Variants in SLC4A10 observed in about 807,000 individuals in gnomAD.
SLC4A10 encodes solute carrier family 4 member 10, also known as sodium-driven chloride bicarbonate exchanger.
In SLC4A10, 42 loss-of-function variants were observed where a neutral mutation model predicts 137.7. The observed-to-expected ratio is 0.30, with a 90% CI of 0.24 to 0.39. The LOEUF is 0.39. Among genes scored for constraint, SLC4A10 ranks in the 10% least tolerant of loss-of-function variants. The pLI, the probability that SLC4A10 is intolerant of heterozygous loss-of-function variation, is 1.00. For missense variants in SLC4A10, 925 were observed against 1,355.0 expected, an observed-to-expected ratio of 0.68 and a Z score of 4.98; for synonymous variants, 474 against 464.1, an observed-to-expected ratio of 1.02 and a Z score of -0.27.
intron 26 of SLC4A10, among the ~76,000 whole-genome samples, chr2:161,980,043 C>T (rs1699995390): frequency 6.6e-6 from 1 of 151,906 alleles, no homozygotes; most frequent in African/African-American, 2.4e-5. Flanking sequence ...TGACAAGAGC[C>T]TCTGCAGCTT....
intron 2 of SLC4A10, among the ~76,000 whole-genome samples, chr2:161,793,233 T>C (rs184473439): frequency 2.0e-5 from 3 of 152,182 alleles, no homozygotes; most frequent in Non-Finnish European, 4.4e-5. Context: ...ATCTATGCAC[T>C]GTAGAATAAC....
chr2:161,828,641 TTC>T (rs891438632), intron 3 of SLC4A10, among the ~76,000 whole-genome samples: 16 of 146,956 alleles, frequency 1.1e-4, no homozygotes, highest in Admixed American at 4.1e-4. Flanking sequence ...TTTGCTTTTC[TTC>T]TCTCTGGTAT....
chr2:161,839,538 TTATTA>T (rs2059044962), intron 3 of SLC4A10, among the ~76,000 whole-genome samples: 1 of 151,886 alleles, frequency 6.6e-6, no homozygotes, highest in South Asian at 2.1e-4. Flanking sequence ...TATTTATTAT[TTATTA>T]TATGTATACA....
At chr2:161,652,711 A>C (rs1291321595) in intron 1 of SLC4A10, among the ~76,000 whole-genome samples, 1 of 152,076 alleles carries the variant, frequency 6.6e-6, no homozygotes, top group Non-Finnish European at 1.5e-5. Flanking sequence ...TTCAGTTTGC[A>C]TAACTGAGAT....
chr2:161,918,967 C>G (rs533617726), intron 15 of SLC4A10, among the ~76,000 whole-genome samples: 2 of 152,298 alleles, frequency 1.3e-5, no homozygotes, highest in East Asian at 3.9e-4. Context: ...CATCCCTGTG[C>G]TCTCAGGGCC....
intron 23 of SLC4A10, among the ~76,000 whole-genome samples, chr2:161,972,664 C>A (rs931073938): frequency 6.6e-6 from 1 of 152,076 alleles, no homozygotes; most frequent in Non-Finnish European, 1.5e-5. Context: ...ATGCCATTAG[C>A]CTCACAGAAA....
chr2:161,966,065 A>G (rs1697514633), intron 23 of SLC4A10, among the ~76,000 whole-genome samples: 1 of 152,198 alleles, frequency 6.6e-6, no homozygotes, highest in African/African-American at 2.4e-5. Context: ...CTCAAACCAT[A>G]GATATATTTC....
At chr2:161,708,063 A>G (rs1574480180) in intron 1 of SLC4A10, among the ~76,000 whole-genome samples, 1 of 151,506 alleles carries the variant, frequency 6.6e-6, no homozygotes, top group Non-Finnish European at 1.5e-5. Context: ...AAAATATAAA[A>G]TGTATGTTGG....
chr2:161,773,297 C>T (rs1166976061), intron 2 of SLC4A10, among the ~76,000 whole-genome samples: 1 of 151,724 alleles, frequency 6.6e-6, no homozygotes, highest in Non-Finnish European at 1.5e-5. Flanking sequence ...GCTCTCATGA[C>T]CTAAATACTT....
chr2:161,751,423 A>G (rs2048962669), intron 1 of SLC4A10, among the ~76,000 whole-genome samples: 1 of 134,150 alleles, frequency 7.5e-6, no homozygotes, highest in South Asian at 2.3e-4. Context: ...TTCTTCAGGT[A>G]TTTTGTTGTG....
At chr2:161,937,945 A>C (rs1314306281) in intron 15 of SLC4A10, among the ~76,000 whole-genome samples, 1 of 152,052 alleles carries the variant, frequency 6.6e-6, no homozygotes, top group Non-Finnish European at 1.5e-5. Flanking sequence ...CATATGCTGA[A>C]GCCCTGTTGA....
At chr2:161,780,257 A>G (rs1304032743) in intron 2 of SLC4A10, among the ~76,000 whole-genome samples, 1 of 152,104 alleles carries the variant, frequency 6.6e-6, no homozygotes, top group Non-Finnish European at 1.5e-5. Context: ...ATATCTCCAC[A>G]TAACCAGATT....
At chr2:161,756,182 T>C (rs2049623888) in intron 1 of SLC4A10, among the ~76,000 whole-genome samples, 1 of 152,196 alleles carries the variant, frequency 6.6e-6, no homozygotes, top group African/African-American at 2.4e-5. Context: ...ACACCAAAGA[T>C]AGTAATTTAT....
chr2:161,840,347 G>A (rs1559367527), intron 4 of SLC4A10, among the ~76,000 whole-genome samples: 2 of 152,168 alleles, frequency 1.3e-5, no homozygotes, highest in Non-Finnish European at 2.9e-5. Flanking sequence ...GATTTCATGT[G>A]CTCTTTCATG....
At chr2:161,777,497 CAT>C (rs1256300817) in intron 2 of SLC4A10, among the ~76,000 whole-genome samples, 1 of 151,968 alleles carries the variant, frequency 6.6e-6, no homozygotes, top group Non-Finnish European at 1.5e-5. Context: ...CTGATAAAAA[CAT>C]ACCCAAGATT....
At chr2:161,894,915 AT>A (rs1306065926) in intron 11 of SLC4A10, 90 bp downstream of exon 11, 1 of 742,294 alleles carries the variant, frequency 1.3e-6, no homozygotes, top group Non-Finnish European at 1.7e-6. Context: ...TTATTTATTT[AT>A]TTTATTATTA....
At chr2:161,821,965 T>C (rs968942430) in intron 3 of SLC4A10, among the ~76,000 whole-genome samples, 2 of 152,224 alleles carry the variant, frequency 1.3e-5, no homozygotes, top group Non-Finnish European at 2.9e-5. Context: ...GATGACCCTA[T>C]TTCAATAAAT....
At chr2:161,734,127 T>C (rs1330267291) in intron 1 of SLC4A10, among the ~76,000 whole-genome samples, 3 of 152,154 alleles carry the variant, frequency 2.0e-5, no homozygotes, top group Non-Finnish European at 2.9e-5. Context: ...TGAAATGAAT[T>C]AAGACTTTAG....
chr2:161,788,819 G>A (rs2053908044), intron 2 of SLC4A10, among the ~76,000 whole-genome samples: 2 of 152,146 alleles, frequency 1.3e-5, no homozygotes, highest in South Asian at 4.1e-4. Context: ...AGGTGGCATT[G>A]GCTCACTTTC....
Sources: allele counts gnomAD v4.1 joint callset (sites outside exome capture counted in the v4.1 genomes callset), GRCh38; gene constraint gnomAD v4.1.1; transcripts MANE v1.5; gene names NCBI Gene and HGNC (gene_info 2026-07-23, HGNC 2026-07-21).